Variants in COP1 observed in about 807,000 individuals in gnomAD.
COP1 encodes the protein COP1 E3 ubiquitin ligase, also known as E3 ubiquitin-protein ligase COP1.
A neutral mutation model predicts 101.3 loss-of-function variants in COP1; 24 were observed. The ratio of observed to expected loss-of-function variants is 0.24; its 90% CI spans 0.17 to 0.33. The LOEUF (loss-of-function observed/expected upper bound fraction) is 0.33. COP1 is among the 10% of genes least tolerant of loss of function. The pLI is 1.00. For missense variants in COP1, 663 were observed against 906.2 expected, an observed-to-expected ratio of 0.73 and a Z score of 3.45; for synonymous variants, 347 against 341.9, an observed-to-expected ratio of 1.01 and a Z score of -0.17.
chr1:176,064,845 A>G (rs1037475927), intron 11 of COP1, among the ~76,000 whole-genome samples: 1 of 151,982 alleles, frequency 6.6e-6, no homozygotes, highest in Non-Finnish European at 1.5e-5. Context: ...ACTGGTCTCG[A>G]GCTCCTGGGC....
At chr1:176,128,125 T>G (rs1274984956) in intron 8 of COP1, among the ~76,000 whole-genome samples, 1 of 152,112 alleles carries the variant, frequency 6.6e-6, no homozygotes, top group Non-Finnish European at 1.5e-5. Flanking sequence ...ATTTTGCACA[T>G]TAGCACCTAA....
At chr1:176,154,979 A>T (rs1693225850) in intron 5 of COP1, among the ~76,000 whole-genome samples, 1 of 152,202 alleles carries the variant, frequency 6.6e-6, no homozygotes, top group South Asian at 2.1e-4. Flanking sequence ...AATCCTTGAA[A>T]CAATTTCAGA....
At chr1:176,192,135 T>C (rs926189393) in intron 1 of COP1, among the ~76,000 whole-genome samples, 1 of 152,074 alleles carries the variant, frequency 6.6e-6, no homozygotes. Context: ...ATCAGGGAAC[T>C]ACATATGGCC....
chr1:176,194,234 AAAAG>A (rs1471054895), intron 1 of COP1, among the ~76,000 whole-genome samples: 3 of 152,178 alleles, frequency 2.0e-5, no homozygotes, highest in Admixed American at 2.0e-4. Flanking sequence ...AAAAAAAGAG[AAAAG>A]AAATAGAAGA....
At chr1:176,072,773 C>T (rs907939933) in intron 11 of COP1, among the ~76,000 whole-genome samples, 1 of 150,754 alleles carries the variant, frequency 6.6e-6, no homozygotes, top group African/African-American at 2.4e-5. Context: ...TTGTAACTAT[C>T]ATAGAAACAT....
chr1:176,058,185 G>GTGC (rs765361938), intron 11 of COP1, among the ~76,000 whole-genome samples: 2 of 92,092 alleles, frequency 2.2e-5, no homozygotes, highest in Admixed American at 2.2e-4. Flanking sequence ...CGGTAGGGAG[G>GTGC]GGGGGGGTCA....
intron 19 of COP1, among the ~76,000 whole-genome samples, chr1:175,946,182 T>C (rs1163638165): frequency 6.6e-6 from 1 of 152,116 alleles, no homozygotes; most frequent in East Asian, 1.9e-4. Flanking sequence ...TTCCAGAACA[T>C]AACAAACACT....
Position 176,206,868 on chromosome 1 carries a change from C to T in COP1, c.111G>A (p.Pro37=). ...CTGCCGCCGAAACCGCCACGGAAGGCGGCGACGGGGAAGAGGATAAAGACG... is the reference window on the plus strand; with the variant it reads ...CTGCCGCCGAAACCGCCACGGAAGGTGGCGACGGGGAAGAGGATAAAGACG... The part of the protein sequence containing the change: ...ASSSLSSSPS[P]PSVAVSAAAL... The change falls in exon 1 of 20, where the codon CCG becomes CCA. Residue 37 remains proline, a synonymous_variant. Coordinates refer to ENST00000367669, the MANE Select transcript of COP1 (RefSeq NM_022457.7). 1 of 1,439,712 alleles carries T rather than the reference C, an allele frequency of 6.9e-7. No individual in the cohort carries two copies. The highest frequency in any genetic ancestry group is 9.1e-7 in the Non-Finnish European group (1 of 1,100,792). 89.2% of individuals were successfully genotyped at this position (1,439,712 alleles called of 1,614,324 possible).
intron 3 of COP1, 124 bp from the exon 4 acceptor site, chr1:176,164,015 A>T: frequency 1.8e-6 from 1 of 548,528 alleles, no homozygotes. Context: ...AAAACATGCT[A>T]AACAGAAAGT....
intron 6 of COP1, among the ~76,000 whole-genome samples, chr1:176,146,192 G>A (rs1031554513): frequency 1.3e-5 from 2 of 152,058 alleles, no homozygotes; most frequent in Non-Finnish European, 2.9e-5. Context: ...TTCAAATGCT[G>A]GTACAAATTT....
intron 11 of COP1, among the ~76,000 whole-genome samples, chr1:176,080,218 T>A (rs1678862864): frequency 6.6e-6 from 1 of 152,192 alleles, no homozygotes; most frequent in African/African-American, 2.4e-5. Flanking sequence ...AATAGTACTT[T>A]GAACTATATT....
chr1:176,136,999 C>A (rs184031002), intron 6 of COP1, among the ~76,000 whole-genome samples: 1 of 152,160 alleles, frequency 6.6e-6, no homozygotes, highest in Non-Finnish European at 1.5e-5. Context: ...CTGCCCGCCT[C>A]AGCCTCCCAA....
intron 19 of COP1, 22 bp from the exon 20 acceptor site, chr1:175,945,192 T>C: frequency 3.3e-6 from 5 of 1,532,888 alleles, no homozygotes; most frequent in Non-Finnish European, 4.5e-6. Flanking sequence ...GAAAAAAGGA[T>C]CCATTTAATA....
At chr1:176,067,589 C>T (rs1180522296) in intron 11 of COP1, among the ~76,000 whole-genome samples, 3 of 152,064 alleles carry the variant, frequency 2.0e-5, no homozygotes, top group African/African-American at 7.2e-5. Context: ...CCCACTTTCC[C>T]ACTCTATCCT....
intron 18 of COP1, among the ~76,000 whole-genome samples, chr1:175,962,556 T>C (rs542476322): frequency 6.6e-6 from 1 of 152,208 alleles, no homozygotes; most frequent in South Asian, 2.1e-4. Context: ...GTTTTCTTTC[T>C]ACGAGATATC....
chr1:176,168,062 A>AT (rs1173273169), intron 3 of COP1, among the ~76,000 whole-genome samples: 215 of 145,608 alleles, frequency 1.5e-3, no homozygotes, highest in Middle Eastern at 3.6e-3. Context: ...TCAATTTACG[A>AT]TTTTTTTTTT....
chr1:176,068,314 G>T (rs1291621042), intron 11 of COP1, among the ~76,000 whole-genome samples: 1 of 151,578 alleles, frequency 6.6e-6, no homozygotes, highest in Middle Eastern at 3.2e-3. Context: ...TCAAAGTGTG[G>T]TTGCAGACCA....
intron 18 of COP1, among the ~76,000 whole-genome samples, chr1:175,961,770 C>T (rs1417007877): frequency 6.7e-6 from 1 of 149,848 alleles, no homozygotes; most frequent in Admixed American, 6.6e-5. Context: ...AGAGAGTGAT[C>T]CTTTACTTGG....
At chr1:175,972,703 T>G (rs908548139) in intron 18 of COP1, among the ~76,000 whole-genome samples, 4 of 151,694 alleles carry the variant, frequency 2.6e-5, no homozygotes, top group Non-Finnish European at 5.9e-5. Context: ...TGACCTCAGG[T>G]GATCTGCCCG....
Sources: allele counts gnomAD v4.1 joint callset (sites outside exome capture counted in the v4.1 genomes callset), GRCh38; gene constraint gnomAD v4.1.1; transcripts MANE v1.5; gene names NCBI Gene and HGNC (gene_info 2026-07-23, HGNC 2026-07-21).